Variants in PCDH11X observed in about 807,000 individuals in gnomAD.
PCDH11X encodes protocadherin-11 X-linked.
Under a neutral mutation model 53.3 loss-of-function variants are expected in PCDH11X, and 18 were observed. The ratio of observed to expected loss-of-function variants is 0.34; its 90% CI spans 0.23 to 0.50. The LOEUF is 0.50. Among genes scored for constraint, PCDH11X ranks in the 20% least tolerant of loss-of-function variants. PCDH11X has a pLI of 0.98. For missense variants in PCDH11X, 570 were observed against 1,032.4 expected (o/e 0.55, Z 6.14); for synonymous variants, 279 against 393.3 (o/e 0.71, Z 3.44).
At chrX:92,064,254 A>G (rs1473798997) in intron 6 of PCDH11X, among the ~76,000 whole-genome samples, 2 of 108,165 alleles carry the variant, frequency 1.8e-5, no homozygotes, top group African/African-American at 6.7e-5. Flanking sequence ...CCCTCCATGC[A>G]CACATTTGCA....
intron 8 of PCDH11X, among the ~76,000 whole-genome samples, chrX:92,277,573 G>A (rs78330922): frequency 9.3e-6 from 1 of 107,760 alleles, no homozygotes; most frequent in African/African-American, 3.4e-5. Context: ...GGGTTTGGGG[G>A]TTCTTACCTT....
chrX:92,100,876 G>A (rs750454218), intron 6 of PCDH11X, among the ~76,000 whole-genome samples: 1 of 110,694 alleles, frequency 9.0e-6, no homozygotes, highest in South Asian at 3.9e-4. Flanking sequence ...TTGTGGTAAG[G>A]GGTGATATTG....
At chrX:91,972,451 A>T (rs1424879995) in intron 6 of PCDH11X, among the ~76,000 whole-genome samples, 2 of 102,346 alleles carry the variant, frequency 2.0e-5, no homozygotes, top group Non-Finnish European at 4.0e-5. Flanking sequence ...TCTTTAGTTT[A>T]ATTAGATCCC....
intron 9 of PCDH11X, among the ~76,000 whole-genome samples, chrX:92,464,867 A>T (rs2073127699): frequency 9.0e-6 from 1 of 110,671 alleles, no homozygotes; most frequent in Admixed American, 9.7e-5. Flanking sequence ...TTGACACCAC[A>T]GTCTTCCGTA....
At chrX:92,288,514 G>A (rs1380982559) in intron 8 of PCDH11X, among the ~76,000 whole-genome samples, 1 of 109,195 alleles carries the variant, frequency 9.2e-6, no homozygotes, top group Non-Finnish European at 1.9e-5. Context: ...TGGTACTACA[G>A]GCATGTGCCA....
intron 9 of PCDH11X, among the ~76,000 whole-genome samples, chrX:92,447,030 G>C (rs1239651977): frequency 9.0e-6 from 1 of 111,661 alleles, no homozygotes; most frequent in Non-Finnish European, 1.9e-5. Context: ...TTTTGAACTT[G>C]AGAGAGATGA....
At position 92,476,055 on chromosome X, in the gene PCDH11X, A is replaced by G. The variant is rs547515603; in HGVS notation, c.3367+7733A>G. Among the ~76,000 whole-genome samples the G allele has an allele frequency of 3.6e-5, 4 of 111,413 alleles. No individual in the cohort carries two copies. In the South Asian group the frequency reaches 1.1e-3, roughly 31 times the overall value. On this transcript the variant is annotated intron_variant, in intron 10 of 10. Transcript: ENST00000682573. ...TGGGTTGTGGGACGGACCCAGAGGGAGGTAACTGAATCATGGGGATGGGCT... is the reference window on the plus strand; with the variant it reads ...TGGGTTGTGGGACGGACCCAGAGGGGGGTAACTGAATCATGGGGATGGGCT...
chrX:91,946,557 TC>T (rs1449096343), intron 6 of PCDH11X, among the ~76,000 whole-genome samples: 1 of 38,856 alleles, frequency 2.6e-5, no homozygotes, highest in Admixed American at 3.4e-4. Context: ...CCTGTTTCCC[TC>T]ATATATATAT....
intron 6 of PCDH11X, among the ~76,000 whole-genome samples, chrX:91,884,788 T>G (rs1281100751): frequency 1.6e-4 from 18 of 110,345 alleles, no homozygotes. Flanking sequence ...AATGATTACA[T>G]AGCATATGCT....
intron 8 of PCDH11X, among the ~76,000 whole-genome samples, chrX:92,274,194 G>A (rs2068026271): frequency 1.8e-5 from 2 of 109,215 alleles, no homozygotes; most frequent in Non-Finnish European, 3.8e-5. Flanking sequence ...CTGAGGACAG[G>A]CCTGAATTCT....
At chrX:91,803,405 T>C (rs1936000424) in intron 1 of PCDH11X, among the ~76,000 whole-genome samples, 1 of 111,158 alleles carries the variant, frequency 9.0e-6, no homozygotes. Context: ...GAGCTCTTTT[T>C]TGGGTGATGT....
intron 6 of PCDH11X, among the ~76,000 whole-genome samples, chrX:91,880,545 T>C (rs1939844428): frequency 9.0e-6 from 1 of 111,644 alleles, no homozygotes; most frequent in Admixed American, 9.6e-5. Flanking sequence ...TATAATACGA[T>C]AACATTAACT....
intron 10 of PCDH11X, among the ~76,000 whole-genome samples, chrX:92,510,469 G>A (rs1294732044): frequency 1.2e-4 from 13 of 106,225 alleles, no homozygotes; most frequent in African/African-American, 4.4e-4. Flanking sequence ...GAATTGTCCT[G>A]GTATAATAAT....
intron 6 of PCDH11X, among the ~76,000 whole-genome samples, chrX:92,151,532 G>A (rs1338048868): frequency 3.6e-5 from 4 of 111,448 alleles, no homozygotes; most frequent in African/African-American, 9.7e-5. Context: ...TTTGTCAAAC[G>A]TATTTTCTAC....
chrX:92,304,871 G>T (rs2522763), intron 8 of PCDH11X, among the ~76,000 whole-genome samples: 2 of 112,144 alleles, frequency 1.8e-5, no homozygotes, highest in Non-Finnish European at 3.8e-5. Flanking sequence ...AATTTGAGAT[G>T]AAAATATGAT....
rs2063759581 is a variant in PCDH11X, at chrX:92,075,388, C to G, written c.3034-125987C>G. ...AGGAAACTACGTTGTTAACAGGTAC[C>G]TCAGCACCTTTGAATGCAGGTGGCT... On this transcript the variant is annotated intron_variant, in intron 6 of 10. Transcript: ENST00000682573. Among the ~76,000 whole-genome samples, 3 of 108,373 alleles carry G rather than the reference C, an allele frequency of 2.8e-5. No homozygotes were observed. The South Asian group carries it at 1.2e-3, about 45-fold the overall frequency. The allele number at this position is 108,373 out of a possible 115,157, so 94.1% of individuals were successfully genotyped here.
At chrX:91,907,595 A>G (rs906241882) in intron 6 of PCDH11X, among the ~76,000 whole-genome samples, 1 of 108,151 alleles carries the variant, frequency 9.2e-6, no homozygotes, top group Non-Finnish European at 1.9e-5. Context: ...TATTTCTTTA[A>G]CAGTTTTTCA....
chrX:92,189,322 T>A, intron 6 of PCDH11X, among the ~76,000 whole-genome samples: 1 of 111,785 alleles, frequency 8.9e-6, no homozygotes, highest in East Asian at 2.8e-4. Flanking sequence ...TGGTTTTCTG[T>A]TCCTGCATAA....
chrX:91,873,244 A>G (rs908836920), intron 5 of PCDH11X, among the ~76,000 whole-genome samples: 2 of 110,616 alleles, frequency 1.8e-5, no homozygotes, highest in Non-Finnish European at 3.8e-5. Context: ...TTTGTGCAAT[A>G]ATGAAAATGT....
Sources: allele counts gnomAD v4.1 joint callset (sites outside exome capture counted in the v4.1 genomes callset), GRCh38; gene constraint gnomAD v4.1.1; transcripts MANE v1.5; gene names NCBI Gene and HGNC (gene_info 2026-07-23, HGNC 2026-07-21).